PTPN14: variants seen among roughly 807,000 people sequenced by gnomAD.
PTPN14 encodes tyrosine-protein phosphatase non-receptor type 14.
PTPN14 carries 53 observed loss-of-function variants against 126.8 expected under a neutral mutation model. The observed-to-expected ratio is 0.42, with a 90% CI of 0.34 to 0.53. PTPN14 has a LOEUF of 0.53. Among genes scored for constraint, PTPN14 ranks in the 20% least tolerant of loss-of-function variants. PTPN14 has a pLI of 0.08. For missense variants in PTPN14, 1,257 were observed against 1,552.9 expected, an observed-to-expected ratio of 0.81 and a Z score of 3.20; for synonymous variants, 630 against 599.3, an observed-to-expected ratio of 1.05 and a Z score of -0.75.
chr1:214,534,832 G>A (rs1655662591), intron 1 of PTPN14, among the ~76,000 whole-genome samples: 1 of 152,174 alleles, frequency 6.6e-6, no homozygotes, highest in African/African-American at 2.4e-5. Flanking sequence ...CATGTGGGAT[G>A]AGTGGAAGTC....
intron 5 of PTPN14, among the ~76,000 whole-genome samples, chr1:214,410,958 T>C (rs977821047): frequency 6.6e-5 from 10 of 152,234 alleles, no homozygotes; most frequent in African/African-American, 2.4e-4. Context: ...TCCAAATGAA[T>C]TTTAGGATTG....
chr1:214,441,814 A>C (rs1191672993), intron 3 of PTPN14, among the ~76,000 whole-genome samples: 1 of 152,236 alleles, frequency 6.6e-6, no homozygotes, highest in Non-Finnish European at 1.5e-5. Flanking sequence ...GCATCATCGT[A>C]TTCTACTCAA....
chr1:214,402,423 G>A (rs1311305779), intron 6 of PTPN14, among the ~76,000 whole-genome samples: 1 of 97,378 alleles, frequency 1.0e-5, no homozygotes, highest in Non-Finnish European at 1.9e-5. Flanking sequence ...CTGGGTGACA[G>A]AGCGAGACTC....
intron 1 of PTPN14, chr1:214,530,322 T>TTTTTA (rs1655509770): frequency 6.6e-6 from 1 of 152,138 alleles, no homozygotes; most frequent in Non-Finnish European, 1.5e-5. Flanking sequence ...AATACTTTCT[T>TTTTTA]TTTTCTTTTC....
At chr1:214,543,807 C>T (rs1390556466) in intron 1 of PTPN14, among the ~76,000 whole-genome samples, 5 of 152,086 alleles carry the variant, frequency 3.3e-5, no homozygotes, top group African/African-American at 4.8e-5. Flanking sequence ...TTAGTAGAGA[C>T]GGGGGTTATT....
At chr1:214,485,901 A>AT (rs1191457350) in intron 1 of PTPN14, among the ~76,000 whole-genome samples, 11 of 151,720 alleles carry the variant, frequency 7.3e-5, no homozygotes, top group African/African-American at 9.7e-5. Flanking sequence ...AATTTTTTGT[A>AT]TTTTTTAGTA....
At chr1:214,376,750 C>T (rs1008680435) in intron 14 of PTPN14, among the ~76,000 whole-genome samples, 2 of 152,064 alleles carry the variant, frequency 1.3e-5, no homozygotes, top group African/African-American at 4.8e-5. Flanking sequence ...CTTAATTATC[C>T]AAACATCCTT....
Position 214,350,154 on chromosome 1 carries a change from A to C in PTPN14, c.*7768T>G, listed in dbSNP as rs866671134. 16 of 152,346 alleles carry C rather than the reference A, an allele frequency of 1.1e-4. No individual in the cohort carries two copies. Among genetic ancestry groups the C allele is most frequent in the Admixed American group, 3.9e-4 (6 of 15,304 alleles). 9.4% of individuals were successfully genotyped at this position (152,346 alleles called of 1,614,324 possible). On this transcript the variant is annotated 3_prime_UTR_variant, in exon 19 of 19. Transcript: ENST00000366956. ...ACATACAGATTTTGGATGACCCGCTAATCTTTCCCCTTCCTAGGTAAGTGA... is the reference window on the plus strand; with the variant it reads ...ACATACAGATTTTGGATGACCCGCTCATCTTTCCCCTTCCTAGGTAAGTGA...
At chr1:214,399,569 T>C (rs1658969251) in intron 7 of PTPN14, among the ~76,000 whole-genome samples, 1 of 152,214 alleles carries the variant, frequency 6.6e-6, no homozygotes, top group African/African-American at 2.4e-5. Flanking sequence ...CCCTACCACT[T>C]CCTCTGCACA....
At position 214,349,744 on chromosome 1, in the gene PTPN14, T is replaced by G. The variant is rs1015399675; in HGVS notation, c.*8178A>C. On this transcript the variant is annotated 3_prime_UTR_variant, in exon 19 of 19. Transcript: ENST00000366956. Reference sequence around the variant, plus strand: ...AGCTTTATGTCAGAAAGGAGAAGGCTAATGAATTTTTAAGATTCCAAACAG... The same window carrying G: ...AGCTTTATGTCAGAAAGGAGAAGGCGAATGAATTTTTAAGATTCCAAACAG... 2.0e-5 allele frequency: 3 copies of G among 152,126 alleles called. No individual in the cohort carries two copies. The highest frequency in any genetic ancestry group is 2.9e-5 in the Non-Finnish European group (2 of 68,032). 9.4% of individuals were successfully genotyped at this position (152,126 alleles called of 1,614,324 possible).
intron 17 of PTPN14, among the ~76,000 whole-genome samples, chr1:214,366,274 T>A (rs188016977): frequency 6.6e-6 from 1 of 152,324 alleles, no homozygotes; most frequent in Admixed American, 6.5e-5. Context: ...GTGTGTGGAA[T>A]CTTCTTTACA....
chr1:214,525,999 G>A (rs1473907242), intron 1 of PTPN14, among the ~76,000 whole-genome samples: 2 of 145,864 alleles, frequency 1.4e-5, no homozygotes, highest in Admixed American at 7.0e-5. Flanking sequence ...GGAGGCTTGC[G>A]CTGTCACCCA....
intron 1 of PTPN14, among the ~76,000 whole-genome samples, chr1:214,521,713 C>T (rs1361800204): frequency 2.1e-5 from 3 of 145,042 alleles, no homozygotes; most frequent in Admixed American, 2.1e-4. Flanking sequence ...GAAGCTCCAT[C>T]TCAAAGCACA....
At chr1:214,529,843 C>T (rs912045010) in intron 1 of PTPN14, 2 of 152,274 alleles carry the variant, frequency 1.3e-5, no homozygotes, top group Admixed American at 6.5e-5. Flanking sequence ...GAAGTGGCAC[C>T]ACTGCACTCT....
At chr1:214,493,898 T>G (rs1021574441) in intron 1 of PTPN14, among the ~76,000 whole-genome samples, 7 of 152,114 alleles carry the variant, frequency 4.6e-5, no homozygotes, top group African/African-American at 1.7e-4. Flanking sequence ...AACTTAAAAT[T>G]TAAAAAATTT....
chr1:214,543,236 A>G (rs1309125782), intron 1 of PTPN14, among the ~76,000 whole-genome samples: 1 of 152,366 alleles, frequency 6.6e-6, no homozygotes, highest in Non-Finnish European at 1.5e-5. Context: ...TGAAAGGTTT[A>G]TATCTTAACC....
chr1:214,377,323 T>C (rs1179596875), intron 14 of PTPN14, among the ~76,000 whole-genome samples: 4 of 152,118 alleles, frequency 2.6e-5, no homozygotes, highest in African/African-American at 9.7e-5. Flanking sequence ...AGCTAAATGA[T>C]AAGAATTTAT....
At chr1:214,470,869 A>T (rs1660739326) in intron 1 of PTPN14, among the ~76,000 whole-genome samples, 1 of 142,114 alleles carries the variant, frequency 7.0e-6, no homozygotes, top group African/African-American at 2.6e-5. Flanking sequence ...ATATATATAT[A>T]TAAAAATTAG....
intron 1 of PTPN14, among the ~76,000 whole-genome samples, chr1:214,536,166 T>TGGGGTG (rs1307899168): frequency 1.4e-4 from 2 of 14,138 alleles, no homozygotes; most frequent in Non-Finnish European, 2.7e-4. Flanking sequence ...AAGGCCGGGG[T>TGGGGTG]GGGGTGGGGG....
Sources: gnomAD v4.1 joint callset for allele counts (sites outside exome capture counted in the v4.1 genomes callset) on GRCh38, gnomAD v4.1.1 for gene constraint, MANE v1.5 for transcripts, NCBI Gene and HGNC (gene_info 2026-07-23, HGNC 2026-07-21) for gene names.